Variants in ACAD10 observed in about 807,000 individuals in gnomAD.
ACAD10 encodes the protein acyl-CoA dehydrogenase family member 10, also known as ACAD-10.
A neutral mutation model predicts 116.8 loss-of-function variants in ACAD10; 112 were observed. The ratio of observed to expected loss-of-function variants is 0.96; its 90% CI spans 0.82 to 1.12. The LOEUF (loss-of-function observed/expected upper bound fraction) is 1.12. Ranked by LOEUF, ACAD10 falls within the 50% of genes most tolerant of loss-of-function variation. ACAD10 has a pLI of 0.00. For missense variants in ACAD10, 1,259 were observed against 1,350.2 expected (o/e 0.93, Z 1.06); for synonymous variants, 486 against 510.6 (o/e 0.95, Z 0.65).
chr12:111,753,692 T>C (rs1406649625), intron 18 of ACAD10, 80 bp from the exon 19 acceptor site: 3 of 1,598,160 alleles, frequency 1.9e-6, no homozygotes, highest in South Asian at 2.2e-5. Flanking sequence ...TCCACCCAGC[T>C]CTGCAGGCCA....
Position 111,712,604 on chromosome 12 carries a change from C to A in ACAD10, c.797C>A (p.Pro266Gln). The change falls in exon 6 of 21, where the codon CCG becomes CAG. Residue 266 changes from proline to glutamine, a missense_variant. Pro to Gln is a moderately conservative substitution (Grantham distance 76, BLOSUM62 -1). Transcript: ENST00000313698. ...CCTGTGAAAAAGACGATGGAAATTC[C>A]GAAAGATTCCTTGCAGAAGTACCTC... ...TRPVKKTMEI[P>Q]KDSLQKYLKD... The A allele has an allele frequency of 6.2e-7, 1 of 1,614,094 alleles. No individual in the cohort carries two copies. The highest frequency in any genetic ancestry group is 1.1e-5 in the South Asian group (1 of 91,082).
At chr12:111,730,326 GTC>G (rs1477523657) in intron 10 of ACAD10, among the ~76,000 whole-genome samples, 1 of 152,144 alleles carries the variant, frequency 6.6e-6, no homozygotes, top group Non-Finnish European at 1.5e-5. Context: ...GTAAGGCAGA[GTC>G]TATGGCCATA....
chr12:111,745,400 T>G (rs1889864660), intron 13 of ACAD10: 2 of 325,736 alleles, frequency 6.1e-6, no homozygotes, highest in African/African-American at 2.1e-5. Context: ...ACCCGTAATA[T>G]CACAGCTAGA....
At chr12:111,743,746 TTTTA>T (rs1022576264) in intron 12 of ACAD10, among the ~76,000 whole-genome samples, 1 of 152,182 alleles carries the variant, frequency 6.6e-6, no homozygotes, top group African/African-American at 2.4e-5. Context: ...ATTTTTTTAT[TTTTA>T]TTTATTTATT....
chr12:111,725,448 A>C lies in ACAD10; in HGVS notation c.1062-2514A>C, dbSNP rs370305260. On this transcript the variant is annotated intron_variant, in intron 8 of 20. Coordinates refer to ENST00000313698, the MANE Select transcript of ACAD10 (RefSeq NM_025247.6). ...AGGATCACCTGAGCCTGGGAGGTGG[A>C]GGCTGCAGTGAGCTGTGATCACATC... Among the ~76,000 whole-genome samples, 50 of 151,862 alleles carry C rather than the reference A, an allele frequency of 3.3e-4. No homozygotes were observed. The South Asian group carries it at 3.7e-3, about 11-fold the overall frequency.
intron 18 of ACAD10, 85 bp from the exon 19 acceptor site, chr12:111,753,687 C>A (rs768521900): frequency 6.3e-7 from 1 of 1,588,474 alleles, no homozygotes; most frequent in Non-Finnish European, 8.6e-7. Context: ...CTGCTTCCAC[C>A]CAGCTCTGCA....
At chr12:111,738,255 A>C (rs1889632244) in intron 12 of ACAD10, among the ~76,000 whole-genome samples, 1 of 152,024 alleles carries the variant, frequency 6.6e-6, no homozygotes, top group Non-Finnish European at 1.5e-5. Context: ...TATCCAGCCT[A>C]CCCAACATGG....
intron 9 of ACAD10, among the ~76,000 whole-genome samples, chr12:111,728,454 A>G (rs976692890): frequency 6.6e-6 from 1 of 151,138 alleles, no homozygotes; most frequent in Non-Finnish European, 1.5e-5. Context: ...GACCATTTAA[A>G]TTTTTTTTCT....
chr12:111,741,631 A>C (rs560005478), intron 12 of ACAD10, among the ~76,000 whole-genome samples: 1 of 152,326 alleles, frequency 6.6e-6, no homozygotes, highest in South Asian at 2.1e-4. Context: ...CTGGGAAGCC[A>C]GCCAGACACA....
At chr12:111,727,246 C>T (rs541673329) in intron 8 of ACAD10, among the ~76,000 whole-genome samples, 162 of 144,086 alleles carry the variant, frequency 1.1e-3, no homozygotes, top group Non-Finnish European at 2.1e-3. Context: ...ATAAATAGGC[C>T]GGGAGCAGTG....
chr12:111,714,608 G>C (rs1454060653), intron 6 of ACAD10, among the ~76,000 whole-genome samples: 1 of 152,052 alleles, frequency 6.6e-6, no homozygotes. Context: ...GTTGCAGTGA[G>C]CTGAGATCAC....
chr12:111,734,484 C>T (rs1001390091), intron 11 of ACAD10, among the ~76,000 whole-genome samples: 6 of 152,034 alleles, frequency 3.9e-5, no homozygotes, highest in Non-Finnish European at 7.4e-5. Context: ...ATTAGCTGGA[C>T]GTGGTGGCGT....
At chr12:111,752,532 C>T (rs1298831099) in intron 18 of ACAD10, among the ~76,000 whole-genome samples, 1 of 151,954 alleles carries the variant, frequency 6.6e-6, no homozygotes, top group Non-Finnish European at 1.5e-5. Context: ...CACTTGAACC[C>T]CGGGAGGCAG....
intron 2 of ACAD10, among the ~76,000 whole-genome samples, chr12:111,699,503 G>C (rs1422107221): frequency 6.6e-6 from 1 of 152,056 alleles, no homozygotes; most frequent in African/African-American, 2.4e-5. Flanking sequence ...TATACAAATT[G>C]GATCATATGC....
chr12:111,731,817 T>C (rs1889393366), intron 10 of ACAD10, among the ~76,000 whole-genome samples: 1 of 152,186 alleles, frequency 6.6e-6, no homozygotes, highest in African/African-American at 2.4e-5. Context: ...GCACGGTGAC[T>C]CAAGCGTGTA....
chr12:111,710,066 G>T, intron 5 of ACAD10: 1 of 323,864 alleles, frequency 3.1e-6, no homozygotes, highest in Non-Finnish European at 6.0e-6. Context: ...ATGTGAGGGG[G>T]TCTCATGCCA....
Position 111,736,939 on chromosome 12 carries a change from A to T in ACAD10, c.1649A>T (p.Tyr550Phe). 1 of 1,614,094 alleles carries T rather than the reference A, an allele frequency of 6.2e-7. No homozygotes were observed. The highest frequency in any genetic ancestry group is 8.5e-7 in the Non-Finnish European group (1 of 1,179,998). Residue 550 changes from tyrosine (Y) to phenylalanine (F), a missense_variant, in exon 12 of 21, where the codon TAT becomes TTT. Tyr to Phe is a conservative substitution (Grantham distance 22, BLOSUM62 3). Transcript: ENST00000313698. ...CCTCCCACTGAGAACTGGAACTTCT[A>T]TATGGCTTTTTCCTTTTTCCGTGTG... ...GLPPTENWNF[Y>F]MAFSFFRVAA...
At chr12:111,713,104 A>C (rs1225430988) in intron 6 of ACAD10, among the ~76,000 whole-genome samples, 4 of 150,844 alleles carry the variant, frequency 2.7e-5, no homozygotes, top group Non-Finnish European at 5.9e-5. Context: ...CGAGGTCAGG[A>C]GTTTGAGACC....
chr12:111,709,550 A>T lies in ACAD10; in HGVS notation c.556A>T (p.Ile186Phe). The change falls in exon 5 of 21, where the codon ATC becomes TTC. Residue 186 changes from isoleucine to phenylalanine, a missense_variant. By Grantham distance (21) the Ile-to-Phe change is conservative (BLOSUM62 0). Transcript: ENST00000313698. The part of the protein sequence containing the change: ...DVIVESCMEG[I>F]CKPDPRIYKL... ...GATTGTGGAGTCCTGCATGGAAGGG[A>T]TCTGTAAGCCAGACCCTAGGATCTA... The T allele has an allele frequency of 6.2e-7, 1 of 1,607,552 alleles. No individual in the cohort carries two copies.
Sources: allele counts gnomAD v4.1 joint callset (sites outside exome capture counted in the v4.1 genomes callset), GRCh38; gene constraint gnomAD v4.1.1; transcripts MANE v1.5; gene names NCBI Gene and HGNC (gene_info 2026-07-23, HGNC 2026-07-21).